TTC28: variants seen among roughly 807,000 people sequenced by gnomAD.
TTC28 encodes tetratricopeptide repeat domain 28.
A neutral mutation model predicts 198.0 loss-of-function variants in TTC28; 61 were observed. That is an observed-to-expected ratio of 0.31 (90% CI 0.25 to 0.38). The LOEUF is 0.38. TTC28 is among the 10% of genes least tolerant of loss of function. The probability of loss-of-function intolerance (pLI) is 1.00; values close to 1 mark genes in which losing one functional copy is unlikely to be tolerated. For missense variants in TTC28, 2,678 were observed against 3,164.0 expected (o/e 0.85, Z 3.69); for synonymous variants, 1,171 against 1,297.8 (o/e 0.90, Z 2.10).
chr22:28,122,479 T>C (rs568834953), intron 6 of TTC28, among the ~76,000 whole-genome samples: 73 of 152,364 alleles, frequency 4.8e-4, no homozygotes, highest in Non-Finnish European at 9.4e-4. Flanking sequence ...AAAAAATCCC[T>C]ATGTATCTAT....
intron 1 of TTC28, among the ~76,000 whole-genome samples, chr22:28,659,291 CAG>C (rs1247605766): frequency 2.6e-5 from 4 of 152,064 alleles, no homozygotes; most frequent in Admixed American, 6.5e-5. Flanking sequence ...TTTTTTGAGA[CAG>C]AGTCTTGCTG....
intron 6 of TTC28, among the ~76,000 whole-genome samples, chr22:28,114,669 G>A (rs555554542): frequency 2.7e-5 from 4 of 149,870 alleles, no homozygotes; most frequent in Admixed American, 6.7e-5. Context: ...AGCCTCAATC[G>A]CCCAGGCTCA....
intron 6 of TTC28, among the ~76,000 whole-genome samples, chr22:28,122,933 A>G (rs926142289): frequency 6.6e-6 from 1 of 152,206 alleles, no homozygotes; most frequent in African/African-American, 2.4e-5. Flanking sequence ...ACAGAACCAC[A>G]CCAGTTATGG....
At chr22:28,597,380 T>C (rs2146108303) in intron 2 of TTC28, among the ~76,000 whole-genome samples, 1 of 152,328 alleles carries the variant, frequency 6.6e-6, no homozygotes, top group East Asian at 1.9e-4. Flanking sequence ...TTCTACTTTC[T>C]ATATAACTCT....
At chr22:28,542,782 G>A (rs936253871) in intron 2 of TTC28, among the ~76,000 whole-genome samples, 1 of 152,050 alleles carries the variant, frequency 6.6e-6, no homozygotes, top group Non-Finnish European at 1.5e-5. Context: ...TGCAGTTAAA[G>A]CAGTTCTTGG....
intron 12 of TTC28, among the ~76,000 whole-genome samples, chr22:28,066,572 C>T (rs181263744): frequency 6.6e-6 from 1 of 152,064 alleles, no homozygotes; most frequent in Non-Finnish European, 1.5e-5. Context: ...TGAGCTCATA[C>T]AGTATTGGTC....
chr22:28,419,810 A>G (rs750585128), intron 2 of TTC28, among the ~76,000 whole-genome samples: 1 of 152,212 alleles, frequency 6.6e-6, no homozygotes, highest in Non-Finnish European at 1.5e-5. Context: ...CAAGTAACAT[A>G]AATAGCTAGA....
intron 5 of TTC28, among the ~76,000 whole-genome samples, chr22:28,291,964 CAATTAT>C (rs2044795831): frequency 3.3e-5 from 5 of 151,720 alleles, no homozygotes; most frequent in South Asian, 4.2e-4. Flanking sequence ...TAAATATAAA[CAATTAT>C]AATTACATAT....
At chr22:28,069,316 T>C (rs1466452828) in intron 12 of TTC28, among the ~76,000 whole-genome samples, 1 of 152,200 alleles carries the variant, frequency 6.6e-6, no homozygotes, top group Non-Finnish European at 1.5e-5. Flanking sequence ...GCTTTGACTT[T>C]GTGCTATGTA....
intron 5 of TTC28, among the ~76,000 whole-genome samples, chr22:28,203,338 A>G (rs1022196536): frequency 1.3e-5 from 2 of 152,202 alleles, no homozygotes; most frequent in Non-Finnish European, 2.9e-5. Flanking sequence ...TGCCACAAAT[A>G]TTCAATAAAT....
intron 2 of TTC28, among the ~76,000 whole-genome samples, chr22:28,619,696 T>C (rs1222207473): frequency 6.6e-6 from 1 of 152,196 alleles, no homozygotes; most frequent in Non-Finnish European, 1.5e-5. Flanking sequence ...AACTAACTTG[T>C]TGTAACATGT....
rs1288955144 is a variant in TTC28 at position 28,297,578 on chromosome 22, A to G, written c.802+2T>C. 6.5e-7 allele frequency: 1 copy of G among 1,550,108 alleles called. No individual in the cohort carries two copies. The highest frequency in any genetic ancestry group is 8.7e-7 in the Non-Finnish European group (1 of 1,145,822). The stretch of plus-strand genomic sequence containing the variant: ...CACTGAAATAGAGAAGCATCACTCT[A>G]CCTAAGGTCTTGGCTACATCCAAGT... On this transcript the variant is annotated splice_donor_variant, in intron 4 of 22. Transcript: ENST00000397906. LOFTEE classifies it high-confidence loss of function.
intron 12 of TTC28, among the ~76,000 whole-genome samples, chr22:28,068,494 A>G (rs1324426379): frequency 1.3e-5 from 2 of 152,188 alleles, no homozygotes; most frequent in Non-Finnish European, 2.9e-5. Flanking sequence ...GGCTCCCACA[A>G]CTTAATCTCT....
intron 2 of TTC28, among the ~76,000 whole-genome samples, chr22:28,615,534 G>C (rs2050890129): frequency 1.3e-5 from 2 of 152,088 alleles, no homozygotes; most frequent in Non-Finnish European, 2.9e-5. Flanking sequence ...CAATAGCAAA[G>C]ACTTGGAAGC....
chr22:28,402,440 G>C (rs927647188), intron 2 of TTC28, among the ~76,000 whole-genome samples: 1 of 152,200 alleles, frequency 6.6e-6, no homozygotes, highest in Non-Finnish European at 1.5e-5. Flanking sequence ...CAGAGAGTTA[G>C]TTAAGTAACT....
In TTC28 at chr22:28,253,277, TAA is replaced by T. The variant is rs530097710; in HGVS notation, c.933+42919_933+42920del. Among the ~76,000 whole-genome samples, 302 of 152,352 alleles carry T rather than the reference TAA, an allele frequency of 2.0e-3. 1 individual carries two copies. The highest frequency in any genetic ancestry group is 3.1e-3 in the Non-Finnish European group (214 of 68,024). ...GAAGTAAATTTATTTTTTGCACATA[TAA>T]AACTCAGATAAATAGTTATAGTTCT... On this transcript the variant is annotated intron_variant, in intron 5 of 22. Transcript: ENST00000397906.
chr22:28,076,386 A>G (rs1157742637), intron 12 of TTC28, among the ~76,000 whole-genome samples: 1 of 152,218 alleles, frequency 6.6e-6, no homozygotes, highest in Admixed American at 6.5e-5. Flanking sequence ...TTACATCAAT[A>G]TGTTAAAGAT....
In TTC28 at chr22:28,195,956, C is replaced by T. The variant is rs991695052; in HGVS notation, c.934-32357G>A. Among the ~76,000 whole-genome samples, 3 of 151,890 alleles carry T rather than the reference C, an allele frequency of 2.0e-5. No homozygotes were observed. In the East Asian group the frequency reaches 5.8e-4, roughly 29 times the overall value. ...AACTACTTTAAAGTTCATATGGAAC[C>T]AAAAAAGAGCCCGTATTGCCAAGTC... On this transcript the variant is annotated intron_variant, in intron 5 of 22. Coordinates refer to ENST00000397906, the MANE Select transcript of TTC28 (RefSeq NM_001145418.2).
intron 5 of TTC28, among the ~76,000 whole-genome samples, chr22:28,245,075 G>C (rs985179968): frequency 5.9e-5 from 9 of 152,188 alleles, no homozygotes; most frequent in African/African-American, 1.9e-4. Flanking sequence ...AATGTGGAGA[G>C]ATAAAGCAGA....
Sources: gnomAD v4.1 joint callset for allele counts (sites outside exome capture counted in the v4.1 genomes callset) on GRCh38, gnomAD v4.1.1 for gene constraint, MANE v1.5 for transcripts, NCBI Gene and HGNC (gene_info 2026-07-23, HGNC 2026-07-21) for gene names.